AGPAT3: variants seen among roughly 807,000 people sequenced by gnomAD.
AGPAT3 encodes the protein 1-acylglycerol-3-phosphate O-acyltransferase 3, also known as 1-acyl-sn-glycerol-3-phosphate acyltransferase gamma.
Under a neutral mutation model 47.3 loss-of-function variants are expected in AGPAT3, and 5 were observed. The observed-to-expected ratio is 0.11, with a 90% CI of 0.06 to 0.22. The LOEUF (loss-of-function observed/expected upper bound fraction) is 0.22. Ranked by LOEUF, AGPAT3 falls within the 10% of genes least tolerant of loss-of-function variation. The pLI is 1.00. For synonymous variants in AGPAT3, 212 were observed against 208.3 expected (o/e 1.02, Z -0.15); for missense variants, 315 against 493.0 (o/e 0.64, Z 3.42).
chr21:43,947,736 C>T (rs572963178), intron 2 of AGPAT3, among the ~76,000 whole-genome samples: 87 of 151,624 alleles, frequency 5.7e-4, no homozygotes, highest in South Asian at 8.4e-4. Flanking sequence ...AACTGCCTCC[C>T]GGGTTCAAGT....
At chr21:43,885,691 C>G (rs555058589) in intron 1 of AGPAT3, among the ~76,000 whole-genome samples, 1 of 152,308 alleles carries the variant, frequency 6.6e-6, no homozygotes, top group East Asian at 1.9e-4. Context: ...GTGCCAGTTT[C>G]TTATATAAGC....
At position 43,880,385 on chromosome 21, in the gene AGPAT3, C is replaced by T. The variant is rs575442330; in HGVS notation, c.-112+15040C>T. ...GGGCTCCTGGTCAGCCTGTTCTTGT[C>T]TTGTTCTGGTGCCACTTCCTCAGGT... On this transcript the variant is annotated intron_variant, in intron 1 of 9. Transcript: ENST00000291572. This position sits in a 1 kb window ranked among gnomAD's most constrained non-coding sequence, Gnocchi z 4.5. Among the ~76,000 whole-genome samples the T allele has an allele frequency of 1.8e-4, 27 of 152,292 alleles. No individual in the cohort carries two copies. Among genetic ancestry groups the T allele is most frequent in the African/African-American group, 6.5e-4 (27 of 41,568 alleles).
intron 1 of AGPAT3, among the ~76,000 whole-genome samples, chr21:43,900,126 A>G (rs1217551672): frequency 2.0e-5 from 3 of 152,232 alleles, no homozygotes; most frequent in Non-Finnish European, 4.4e-5. Flanking sequence ...TCTCTTCCAG[A>G]GACGGCTGTC....
chr21:43,961,156 A>AT (rs1450565223), intron 3 of AGPAT3, among the ~76,000 whole-genome samples: 2 of 151,768 alleles, frequency 1.3e-5, no homozygotes, highest in Non-Finnish European at 2.9e-5. Context: ...AAAAAAAAAA[A>AT]GAAAACAAAA....
rs1489517449 is a variant in AGPAT3, at chr21:43,982,416, G to A, written c.*24G>A. 10 of 1,567,434 alleles carry A rather than the reference G, an allele frequency of 6.4e-6. No individual in the cohort carries two copies. Among genetic ancestry groups the A allele is most frequent in the Middle Eastern group, 1.7e-4 (1 of 5,994 alleles). ...AATTAATGGCTGTGACTGAACACAC[G>A]CGGCCCTGACGGTGGTATCCAGTTA... On this transcript the variant is annotated 3_prime_UTR_variant, in exon 10 of 10. Coordinates refer to ENST00000291572, the MANE Select transcript of AGPAT3 (RefSeq NM_020132.5). This position sits in a 1 kb window ranked among gnomAD's most constrained non-coding sequence, Gnocchi z 6.2.
In AGPAT3 at chr21:43,920,987, C is replaced by T. The variant is rs2086879215; in HGVS notation, c.-49+16968C>T. Among the ~76,000 whole-genome samples the T allele has an allele frequency of 6.6e-6, 1 of 152,136 alleles. No homozygotes were observed. Among genetic ancestry groups the T allele is most frequent in the Non-Finnish European group, 1.5e-5 (1 of 68,018 alleles). On this transcript the variant is annotated intron_variant, in intron 2 of 9. Transcript: ENST00000291572. This position sits in a 1 kb window ranked among gnomAD's most constrained non-coding sequence, Gnocchi z 6.1. ...ACTTAGCCGGGCGTGGTGGCGGGCA[C>T]CTGTAGTTCCAGCTACTCAGCAGGC...
In AGPAT3 at chr21:43,969,204, G is replaced by A; in HGVS notation, c.435G>A (p.Lys145=). The A allele has an allele frequency of 1.2e-6, 2 of 1,614,250 alleles. No individual in the cohort carries two copies. The highest frequency in any genetic ancestry group is 1.7e-6 in the Non-Finnish European group (2 of 1,180,040). Residue 145 remains lysine (K), a synonymous_variant, in exon 5 of 10, where the codon AAG becomes AAA. Transcript: ENST00000291572. The part of the protein sequence containing the change: ...TWYFLEIVFC[K]RKWEEDRDTV... ...ACTTTCTGGAGATTGTGTTCTGCAA[G>A]CGGAAGTGGGAGGAGGACCGGGACA...
chr21:43,975,771 GC>G (rs1237869416), intron 7 of AGPAT3, among the ~76,000 whole-genome samples: 3 of 152,198 alleles, frequency 2.0e-5, no homozygotes, highest in African/African-American at 7.2e-5. Flanking sequence ...TTACAACGCA[GC>G]GATTTGCTTC....
intron 3 of AGPAT3, among the ~76,000 whole-genome samples, chr21:43,960,106 T>C (rs958082747): frequency 3.3e-5 from 5 of 152,208 alleles, no homozygotes; most frequent in East Asian, 1.9e-4. Flanking sequence ...TACCAGAGCA[T>C]ATGGGAATGT....
At chr21:43,959,065 G>T (rs573262845) in intron 2 of AGPAT3, among the ~76,000 whole-genome samples, 1 of 139,858 alleles carries the variant, frequency 7.2e-6, no homozygotes, top group Non-Finnish European at 1.6e-5. Flanking sequence ...TATGGTATGC[G>T]TGGTGTGTGT....
At chr21:43,923,235 G>T (rs1009372299) in intron 2 of AGPAT3, among the ~76,000 whole-genome samples, 23 of 148,350 alleles carry the variant, frequency 1.6e-4, no homozygotes, top group African/African-American at 5.7e-4. Context: ...GGGGTGGGGG[G>T]AGTCGCTGTC....
intron 2 of AGPAT3, among the ~76,000 whole-genome samples, chr21:43,923,403 C>T (rs1245884037): frequency 3.9e-5 from 6 of 152,356 alleles, no homozygotes; most frequent in African/African-American, 1.4e-4. Context: ...CACTCTCATA[C>T]TCAACACAGA....
At chr21:43,961,174 A>G (rs1446077603) in intron 3 of AGPAT3, among the ~76,000 whole-genome samples, 1 of 151,922 alleles carries the variant, frequency 6.6e-6, no homozygotes, top group East Asian at 1.9e-4. Flanking sequence ...AAAATCTCAG[A>G]AGGATGCCCG....
intron 3 of AGPAT3, among the ~76,000 whole-genome samples, chr21:43,960,211 C>T (rs1187397233): frequency 1.3e-5 from 2 of 152,176 alleles, no homozygotes; most frequent in South Asian, 2.1e-4. Context: ...GCCCACACTG[C>T]GCCAACACCA....
intron 6 of AGPAT3, among the ~76,000 whole-genome samples, 160 bp from the exon 7 acceptor site, chr21:43,971,228 A>T (rs2089381024): frequency 5.3e-5 from 8 of 152,190 alleles, no homozygotes; most frequent in Admixed American, 5.2e-4. Flanking sequence ...AAGAAAACTT[A>T]GAGAAGAGGT....
chr21:43,874,288 A>C (rs544760090), intron 1 of AGPAT3, among the ~76,000 whole-genome samples: 2 of 152,260 alleles, frequency 1.3e-5, no homozygotes, highest in Non-Finnish European at 2.9e-5. Context: ...GGCTTCCCCG[A>C]GTGCTGGGAT....
intron 2 of AGPAT3, among the ~76,000 whole-genome samples, chr21:43,951,202 T>C (rs2088176112): frequency 6.6e-6 from 1 of 151,854 alleles, no homozygotes; most frequent in Non-Finnish European, 1.5e-5. Context: ...AGCCCTTGGG[T>C]GCGGGGTGGG....
chr21:43,871,884 GAT>G (rs1325231273), intron 1 of AGPAT3, among the ~76,000 whole-genome samples: 1 of 152,164 alleles, frequency 6.6e-6, no homozygotes, highest in Non-Finnish European at 1.5e-5. Flanking sequence ...TTGGTGAAAA[GAT>G]AGTTTTAATG....
rs1178950777 is a variant in AGPAT3 at position 43,932,352 on chromosome 21, G to T, written c.-48-27282G>T. ...TCCGATTCCTCGTGTGAGTGAGGTC[G>T]TGCAGGACTTGTCGTTCTGTGACTG... is the stretch of plus-strand genomic sequence containing the variant. On this transcript the variant is annotated intron_variant, in intron 2 of 9. Transcript: ENST00000291572. The surrounding 1 kb of genome is among the most constrained non-coding windows in gnomAD (Gnocchi z 5.2). Among the ~76,000 whole-genome samples the T allele has an allele frequency of 1.3e-5, 2 of 152,204 alleles. No homozygotes were observed. The highest frequency in any genetic ancestry group is 1.5e-5 in the Non-Finnish European group (1 of 68,044).
Sources: gnomAD v4.1 joint callset for allele counts (sites outside exome capture counted in the v4.1 genomes callset) on GRCh38, gnomAD v4.1.1 for gene constraint, Gnocchi (gnomAD v3.1) non-coding constraint, MANE v1.5 for transcripts, NCBI Gene and HGNC (gene_info 2026-07-23, HGNC 2026-07-21) for gene names.